The following DMTN variants were observed in gnomAD, a reference collection of about 807,000 sequenced individuals.
DMTN encodes dematin actin binding protein.
In DMTN, 27 loss-of-function variants were observed where a neutral mutation model predicts 59.4. The ratio of observed to expected loss-of-function variants is 0.45; its 90% CI spans 0.33 to 0.63. The LOEUF (loss-of-function observed/expected upper bound fraction) is 0.63, where lower values mean the gene tolerates loss of function less well. Ranked by LOEUF, DMTN falls within the 20% of genes least tolerant of loss-of-function variation. The pLI is 0.02. For synonymous variants in DMTN, 221 were observed against 203.7 expected, an observed-to-expected ratio of 1.08 and a Z score of -0.72; for missense variants, 451 against 528.9, an observed-to-expected ratio of 0.85 and a Z score of 1.45.
intron 6 of DMTN, 119 bp downstream of exon 6, chr8:22,069,637 C>A: frequency 1.1e-6 from 1 of 946,100 alleles, no homozygotes; most frequent in Non-Finnish European, 1.6e-6. Context: ...GCTAAGTAGG[C>A]CCCAGGAGGC....
At chr8:22,066,469 TCCGCCCGGGCAGCCGGCTGACC>T in intron 1 of DMTN, 1 of 154,820 alleles carries the variant, frequency 6.5e-6, no homozygotes, top group Non-Finnish European at 1.4e-5. Flanking sequence ...CGTGGAGGCC[TCCGCCCGGGCAGCCGGCTGACC>T]CCTGCCGTCA....
Position 22,072,201 on chromosome 8 carries a change from T to A in DMTN, c.605-125T>A, listed in dbSNP as rs569897276. ...CATCTACCGACCCTACTTTATTTTT[T>A]AAAAAAATTTTGTAGTGGCCTTATC... On this transcript the variant is annotated intron_variant, in intron 8 of 15. Transcript: ENST00000358242. The A allele has an allele frequency of 1.3e-3, 1,700 of 1,299,184 alleles. 2 individuals carry two copies. The highest frequency in any genetic ancestry group is 1.5e-3 in the Non-Finnish European group (1,540 of 1,002,340). 80.5% of individuals were successfully genotyped at this position (1,299,184 alleles called of 1,614,324 possible).
intron 2 of DMTN, 31 bp downstream of exon 2, chr8:22,066,924 CGAGGGCGGGTGGGGGCCGCT>C: frequency 2.4e-6 from 3 of 1,239,400 alleles, no homozygotes; most frequent in Non-Finnish European, 3.0e-6. Flanking sequence ...CCGGGGCCGC[CGAGGGCGGGTGGGGGCCGCT>C]TGGGAGTCCA....
chr8:22,080,787 C>A lies in DMTN; in HGVS notation c.958-18C>A, dbSNP rs753148941. The A allele has an allele frequency of 6.2e-7, 1 of 1,607,414 alleles. No individual in the cohort carries two copies. Among genetic ancestry groups the A allele is most frequent in the Non-Finnish European group, 8.5e-7 (1 of 1,177,444 alleles). Reference sequence around the variant, plus strand: ...CTCCCTGCCCCGCTCTGGCTCACTGCGGCTTTGGTCTCCCCAGAACGGAGA... The same window carrying A: ...CTCCCTGCCCCGCTCTGGCTCACTGAGGCTTTGGTCTCCCCAGAACGGAGA... On this transcript the variant is annotated intron_variant, in intron 13 of 15. Coordinates refer to ENST00000358242, the MANE Select transcript of DMTN (RefSeq NM_001387751.1).
intron 5 of DMTN, 70 bp downstream of exon 5, chr8:22,069,130 A>G (rs1333301251): frequency 4.7e-5 from 72 of 1,537,846 alleles, no homozygotes; most frequent in Non-Finnish European, 2.9e-5. Flanking sequence ...CTCCCCTCAC[A>G]CATCAGACCA....
chr8:22,069,259 C>T, intron 5 of DMTN, 160 bp from the exon 6 acceptor site: 1 of 840,920 alleles, frequency 1.2e-6, no homozygotes, highest in African/African-American at 1.7e-5. Flanking sequence ...GGCCAGGCAC[C>T]ATCAGTAGGT....
upstream of DMTN, among the ~76,000 whole-genome samples, chr8:22,054,341 G>A (rs1408271109): frequency 6.6e-6 from 1 of 152,018 alleles, no homozygotes; most frequent in Non-Finnish European, 1.5e-5. Context: ...AGTGGGAATG[G>A]GGCCTTGAGG....
chr8:22,070,779 G>T (rs148729980), intron 8 of DMTN, among the ~76,000 whole-genome samples: 1 of 152,082 alleles, frequency 6.6e-6, no homozygotes, highest in East Asian at 1.9e-4. Flanking sequence ...ATTGTTATCT[G>T]AATACTGCAC....
At chr8:22,066,191 T>G (rs1810477524) in intron 1 of DMTN, among the ~76,000 whole-genome samples, 2 of 152,184 alleles carry the variant, frequency 1.3e-5, no homozygotes. Flanking sequence ...AAAGTTTGTG[T>G]GAAGTTCTGA....
In DMTN at chr8:22,066,992, G is replaced by T. The variant is rs1482726370; in HGVS notation, c.19-93G>T. The T allele has an allele frequency of 7.8e-6, 10 of 1,281,208 alleles. No homozygotes were observed. The South Asian group carries it at 2.0e-4, about 26-fold the overall frequency. The allele number at this position is 1,281,208 out of a possible 1,614,324, so 79.4% of individuals were successfully genotyped here. On this transcript the variant is annotated intron_variant, in intron 2 of 15. Coordinates refer to ENST00000358242, the MANE Select transcript of DMTN (RefSeq NM_001387751.1). ...GTGGCCACCCGCCGCGCAGCGCCGC[G>T]CAGCGCCCCGGGTCCCCCAGGCCTA...
chr8:22,080,945 C>T lies in DMTN; in HGVS notation c.1023+75C>T, dbSNP rs573069537. ...GATGCCAGGCAAGTGGAATGTGCTGCGGGGTCTTCCTGGTGTTGAAGATGG... is the reference window on the plus strand; with the variant it reads ...GATGCCAGGCAAGTGGAATGTGCTGTGGGGTCTTCCTGGTGTTGAAGATGG... On this transcript the variant is annotated intron_variant, in intron 14 of 15. Transcript: ENST00000358242. 2.8e-4 allele frequency: 428 copies of T among 1,510,226 alleles called. 10 individuals carry two copies. In the South Asian group the frequency reaches 4.2e-3, roughly 15 times the overall value. The allele number at this position is 1,510,226 out of a possible 1,614,324, so 93.6% of individuals were successfully genotyped here.
At chr8:22,079,049 C>T (rs769219032) in intron 10 of DMTN, among the ~76,000 whole-genome samples, 30 of 150,952 alleles carry the variant, frequency 2.0e-4, no homozygotes, top group African/African-American at 7.1e-4. Flanking sequence ...CCACCCACCT[C>T]GGCCTCCCAG....
In DMTN at chr8:22,058,969, T is replaced by A. The variant is rs561959500; in HGVS notation, c.-172+1833T>A. ...CCCTACCCCACCCACATCACACGCA[T>A]GCACAGCACCCATGGGAGCGCCTGG... is the stretch of plus-strand genomic sequence containing the variant. On this transcript the variant is annotated intron_variant, in intron 1 of 15. Transcript: ENST00000358242. The surrounding 1 kb of genome is among the most constrained non-coding windows in gnomAD (Gnocchi z 4.3). Among the ~76,000 whole-genome samples, 1 of 152,184 alleles carries A rather than the reference T, an allele frequency of 6.6e-6. No homozygotes were observed. Among genetic ancestry groups the A allele is most frequent in the African/African-American group, 2.4e-5 (1 of 41,512 alleles).
intron 9 of DMTN, among the ~76,000 whole-genome samples, chr8:22,073,041 G>A (rs1816944958): frequency 6.6e-6 from 1 of 152,226 alleles, no homozygotes; most frequent in African/African-American, 2.4e-5. Context: ...GAAAAGGAGA[G>A]CATGGGCTAC....
At chr8:22,076,064 G>C (rs1256473280) in intron 10 of DMTN, among the ~76,000 whole-genome samples, 2 of 152,176 alleles carry the variant, frequency 1.3e-5, no homozygotes, top group East Asian at 3.8e-4. Flanking sequence ...GAGAAGCTGA[G>C]GTTTTTGTCT....
At chr8:22,076,183 A>T (rs1447173739) in intron 10 of DMTN, among the ~76,000 whole-genome samples, 7 of 152,170 alleles carry the variant, frequency 4.6e-5, no homozygotes, top group African/African-American at 1.7e-4. Context: ...TGCCCCATGT[A>T]CAGCACTGTG....
intron 10 of DMTN, among the ~76,000 whole-genome samples, chr8:22,079,302 T>TATATATATATATATATATATA (rs1491109949): frequency 5.8e-4 from 9 of 15,530 alleles, no homozygotes; most frequent in Admixed American, 1.1e-3. Context: ...ATATATATAT[T>TATATATATATATATATATATA]AGCTGGGTTT....
intron 2 of DMTN, 73 bp from the exon 3 acceptor site, chr8:22,067,011 AG>A: frequency 7.4e-7 from 1 of 1,345,488 alleles, no homozygotes. Flanking sequence ...CGGGTCCCCC[AG>A]GCCTAGGGCC....
intron 15 of DMTN, 52 bp downstream of exon 15, chr8:22,081,245 C>T (rs139561641): frequency 6.2e-7 from 1 of 1,608,842 alleles, no homozygotes; most frequent in East Asian, 2.2e-5. Context: ...CGGGCACTCT[C>T]CTGCCTGGGG....
Sources: allele counts gnomAD v4.1 joint callset (sites outside exome capture counted in the v4.1 genomes callset), GRCh38; gene constraint gnomAD v4.1.1; non-coding constraint Gnocchi (gnomAD v3.1); transcripts MANE v1.5; gene names NCBI Gene and HGNC (gene_info 2026-07-23, HGNC 2026-07-21).